The following PRDM5 variants were observed in gnomAD, a reference collection of about 807,000 sequenced individuals.
The protein encoded by PRDM5 is PR/SET domain 5.
Under a neutral mutation model 81.2 loss-of-function variants are expected in PRDM5, and 56 were observed. The ratio of observed to expected loss-of-function variants is 0.69; its 90% CI spans 0.56 to 0.86. The LOEUF (loss-of-function observed/expected upper bound fraction) is 0.86. PRDM5 is among the 40% of genes least tolerant of loss of function. The pLI is 0.00. For synonymous variants in PRDM5, 267 were observed against 256.4 expected (o/e 1.04, Z -0.39); for missense variants, 697 against 770.1 (o/e 0.91, Z 1.12).
chr4:120,910,877 T>C (rs909479984), intron 1 of PRDM5, among the ~76,000 whole-genome samples: 1 of 152,224 alleles, frequency 6.6e-6, no homozygotes, highest in Non-Finnish European at 1.5e-5. Flanking sequence ...CTTCCTGATA[T>C]CATTGGTTTT....
chr4:120,831,545 T>C (rs564231685), intron 3 of PRDM5, among the ~76,000 whole-genome samples: 1 of 152,114 alleles, frequency 6.6e-6, no homozygotes, highest in Non-Finnish European at 1.5e-5. Flanking sequence ...AGAAAATCAA[T>C]TGAATGTTTT....
chr4:120,684,472 C>CT (rs1376159629), downstream of PRDM5, among the ~76,000 whole-genome samples: 2 of 151,818 alleles, frequency 1.3e-5, no homozygotes, highest in East Asian at 3.9e-4. Context: ...GAAAATCAGG[C>CT]TTTTTTTCAG....
chr4:120,906,639 A>G (rs1442746264), intron 2 of PRDM5, among the ~76,000 whole-genome samples: 3 of 152,196 alleles, frequency 2.0e-5, no homozygotes, highest in Non-Finnish European at 4.4e-5. Context: ...TAGGATGAAA[A>G]TTCTCATAAC....
intron 2 of PRDM5, among the ~76,000 whole-genome samples, chr4:120,866,716 A>G (rs1352868086): frequency 6.6e-6 from 1 of 152,188 alleles, no homozygotes; most frequent in African/African-American, 2.4e-5. Flanking sequence ...TACTACCTTA[A>G]TACACTCACT....
downstream of PRDM5, among the ~76,000 whole-genome samples, chr4:120,687,151 ATTTTC>A (rs1733869230): frequency 6.6e-6 from 1 of 152,002 alleles, no homozygotes; most frequent in African/African-American, 2.4e-5. Context: ...TAGGACATAC[ATTTTC>A]TTTTTTCATC....
downstream of PRDM5, among the ~76,000 whole-genome samples, chr4:120,687,317 T>C (rs1733875947): frequency 6.6e-6 from 1 of 152,072 alleles, no homozygotes; most frequent in Non-Finnish European, 1.5e-5. Flanking sequence ...CCTTCCCTGG[T>C]TGTTACATTC....
intron 14 of PRDM5, among the ~76,000 whole-genome samples, chr4:120,744,998 A>C (rs1742763668): frequency 6.7e-6 from 1 of 149,304 alleles, no homozygotes; most frequent in Non-Finnish European, 1.5e-5. Context: ...TTTTAGACCA[A>C]TATCCTTGAT....
At chr4:120,871,152 A>G (rs1761747070) in intron 2 of PRDM5, among the ~76,000 whole-genome samples, 1 of 152,164 alleles carries the variant, frequency 6.6e-6, no homozygotes, top group South Asian at 2.1e-4. Flanking sequence ...GTTTTTCCTC[A>G]GGTTGATTAG....
At chr4:120,864,285 A>C (rs1561532881) in intron 2 of PRDM5, among the ~76,000 whole-genome samples, 2 of 152,194 alleles carry the variant, frequency 1.3e-5, no homozygotes, top group African/African-American at 2.4e-5. Flanking sequence ...CTAAGGAGAA[A>C]AGCATAAGGA....
chr4:120,795,854 A>G (rs1025702601), intron 10 of PRDM5, among the ~76,000 whole-genome samples: 2 of 152,322 alleles, frequency 1.3e-5, no homozygotes, highest in Non-Finnish European at 2.9e-5. Context: ...CAGAGATTAC[A>G]GTGAGCCAAG....
chr4:120,760,748 C>CA (rs1411415371), intron 13 of PRDM5, among the ~76,000 whole-genome samples: 1 of 144,204 alleles, frequency 6.9e-6, no homozygotes, highest in East Asian at 2.0e-4. Context: ...ATTAAATAGA[C>CA]TTTTTTTTTT....
chr4:120,748,726 A>G (rs535857481), intron 14 of PRDM5, among the ~76,000 whole-genome samples: 1 of 152,092 alleles, frequency 6.6e-6, no homozygotes, highest in South Asian at 2.1e-4. Flanking sequence ...AACAAAGACC[A>G]TGAATGGGAC....
rs70948365 is a variant in PRDM5 at position 120,872,150 on chromosome 4, C to CAAAAAA, written c.178-18616_178-18611dup. ...TGGGCGACAGAGCAAGACTCCATCT[C>CAAAAAA]AAAAAAAAAAAAAAAAAAAAAAAAC... is the stretch of plus-strand genomic sequence containing the variant. On this transcript the variant is annotated intron_variant, in intron 2 of 15. Coordinates refer to ENST00000264808, the MANE Select transcript of PRDM5 (RefSeq NM_018699.4). Among the ~76,000 whole-genome samples the CAAAAAA allele has an allele frequency of 1.3e-3, 53 of 41,830 alleles. 3 individuals carry two copies. Among genetic ancestry groups the CAAAAAA allele is most frequent in the African/African-American group, 4.9e-3 (41 of 8,374 alleles). 27.4% of individuals were successfully genotyped at this position (41,830 alleles called of 152,430 possible).
intron 7 of PRDM5, chr4:120,812,756 C>T: frequency 2.5e-6 from 1 of 400,514 alleles, no homozygotes; most frequent in Non-Finnish European, 4.8e-6. Context: ...ATCTTCACAG[C>T]TTCATATACC....
intron 12 of PRDM5, among the ~76,000 whole-genome samples, chr4:120,779,673 G>A (rs1197842419): frequency 2.0e-5 from 3 of 152,086 alleles, no homozygotes; most frequent in Non-Finnish European, 1.5e-5. Context: ...AACCCAAGGC[G>A]GGCACATCAT....
chr4:120,695,056 T>G lies in PRDM5; in HGVS notation c.*55A>C. The G allele has an allele frequency of 1.3e-6, 2 of 1,565,406 alleles. No homozygotes were observed. Among genetic ancestry groups the G allele is most frequent in the Non-Finnish European group, 1.8e-6 (2 of 1,136,948 alleles). On this transcript the variant is annotated 3_prime_UTR_variant, in exon 16 of 16. Coordinates refer to ENST00000264808, the MANE Select transcript of PRDM5 (RefSeq NM_018699.4). ...TGTTATGCTGATCAGGTGATAAAAA[T>G]CTGGGATTCATATTAGGAGCCCTTC...
At chr4:120,879,259 T>C (rs1762608813) in intron 2 of PRDM5, among the ~76,000 whole-genome samples, 1 of 152,124 alleles carries the variant, frequency 6.6e-6, no homozygotes, top group Admixed American at 6.5e-5. Flanking sequence ...AGGGGAAAAT[T>C]TAATGCATAT....
intron 14 of PRDM5, among the ~76,000 whole-genome samples, chr4:120,710,636 G>T (rs1228810260): frequency 1.3e-5 from 2 of 152,052 alleles, no homozygotes; most frequent in African/African-American, 2.4e-5. Flanking sequence ...TGAATCATGG[G>T]GCTGGTTACC....
intron 3 of PRDM5, among the ~76,000 whole-genome samples, chr4:120,846,041 A>G (rs1758617138): frequency 6.6e-6 from 1 of 152,200 alleles, no homozygotes; most frequent in Non-Finnish European, 1.5e-5. Context: ...GACTAAATTG[A>G]TGTAATCTCA....
Sources: allele counts gnomAD v4.1 joint callset (sites outside exome capture counted in the v4.1 genomes callset), GRCh38; gene constraint gnomAD v4.1.1; transcripts MANE v1.5; gene names NCBI Gene and HGNC (gene_info 2026-07-23, HGNC 2026-07-21).